Variants in MTHFD2L observed in about 807,000 individuals in gnomAD.
MTHFD2L encodes the protein bifunctional methylenetetrahydrofolate dehydrogenase/cyclohydrolase 2, mitochondrial.
Under a neutral mutation model 34.9 loss-of-function variants are expected in MTHFD2L, and 29 were observed. That is an observed-to-expected ratio of 0.83 (90% CI 0.62 to 1.13). The LOEUF is 1.13. MTHFD2L is among the 50% of genes most tolerant of loss of function. The pLI is 0.00. For synonymous variants in MTHFD2L, 167 were observed against 155.7 expected (o/e 1.07, Z -0.54); for missense variants, 481 against 446.5 (o/e 1.08, Z -0.70).
chr4:74,244,409 C>T (rs973252326), intron 6 of MTHFD2L, among the ~76,000 whole-genome samples: 1 of 152,148 alleles, frequency 6.6e-6, no homozygotes, highest in African/African-American at 2.4e-5. Context: ...CAAAGTCACC[C>T]AGGTGAGTTT....
At chr4:74,251,185 G>A (rs1331072535) in intron 6 of MTHFD2L, among the ~76,000 whole-genome samples, 2 of 152,112 alleles carry the variant, frequency 1.3e-5, no homozygotes, top group Non-Finnish European at 2.9e-5. Context: ...TTTCTGTCAT[G>A]TTCATTTCTC....
Position 74,174,679 on chromosome 4 carries a change from C to G in MTHFD2L, c.317C>G (p.Ala106Gly). ...HTYVRNKIRA[A>G]SAVGICSELI... The stretch of plus-strand genomic sequence containing the variant: ...TATGTCAGGAATAAGATAAGAGCTG[C>G]CTCTGCTGTAGGTGGGTGTGTGTTT... The change falls in exon 2 of 8, where the codon GCC becomes GGC. Residue 106 changes from alanine (A) to glycine (G), a missense_variant. By Grantham distance (60) the Ala-to-Gly change is moderately conservative. Transcript: ENST00000325278. 1 of 1,533,776 alleles carries G rather than the reference C, an allele frequency of 6.5e-7. No homozygotes were observed. The highest frequency in any genetic ancestry group is 8.8e-7 in the Non-Finnish European group (1 of 1,141,646).
intron 1 of MTHFD2L, chr4:74,162,311 T>C (rs1725625475): frequency 6.6e-6 from 1 of 152,212 alleles, no homozygotes; most frequent in African/African-American, 2.4e-5. Context: ...AATAATTTAC[T>C]CTCAGATTGA....
chr4:74,159,064 C>G (rs939582776), intron 1 of MTHFD2L, among the ~76,000 whole-genome samples: 3 of 152,132 alleles, frequency 2.0e-5, no homozygotes, highest in Non-Finnish European at 2.9e-5. Context: ...GTGTCTCACT[C>G]GAGTTTTTGT....
chr4:74,262,215 C>T (rs1744764330), intron 6 of MTHFD2L, among the ~76,000 whole-genome samples: 2 of 151,886 alleles, frequency 1.3e-5, no homozygotes, highest in Admixed American at 1.3e-4. Context: ...AACTCCTACT[C>T]ACCCCATACA....
At chr4:74,281,099 A>T (rs911218353) in intron 6 of MTHFD2L, among the ~76,000 whole-genome samples, 24 of 151,296 alleles carry the variant, frequency 1.6e-4, no homozygotes, top group Non-Finnish European at 2.8e-4. Context: ...AGCCTGTCTC[A>T]TGTCCGCAGT....
chr4:74,265,978 A>T (rs1043902117), intron 6 of MTHFD2L, among the ~76,000 whole-genome samples: 3 of 152,188 alleles, frequency 2.0e-5, no homozygotes, highest in Non-Finnish European at 2.9e-5. Flanking sequence ...AAATATGTTG[A>T]AGTCAATTAT....
upstream of MTHFD2L, chr4:74,156,849 T>G (rs1037037076): frequency 5.3e-5 from 8 of 152,136 alleles, no homozygotes; most frequent in African/African-American, 1.9e-4. Context: ...TCTGTATGCC[T>G]TTTTTGGTGG....
chr4:74,275,616 G>A (rs1746513771), intron 6 of MTHFD2L, among the ~76,000 whole-genome samples: 1 of 151,898 alleles, frequency 6.6e-6, no homozygotes, highest in Non-Finnish European at 1.5e-5. Context: ...GTTGCTTCTT[G>A]ACTTTTTAGT....
intron 7 of MTHFD2L, among the ~76,000 whole-genome samples, chr4:74,291,590 G>A (rs1748966800): frequency 1.3e-5 from 2 of 151,996 alleles, no homozygotes. Flanking sequence ...TTCATACTAG[G>A]CACTATTTGA....
At chr4:74,280,574 G>A (rs978270227) in intron 6 of MTHFD2L, 2 of 151,500 alleles carry the variant, frequency 1.3e-5, no homozygotes, top group Non-Finnish European at 2.9e-5. Context: ...AGAACCATAA[G>A]ACATAATAAT....
Position 74,199,876 on chromosome 4 carries a change from A to T in MTHFD2L, c.534A>T (p.Arg178Ser), listed in dbSNP as rs1217657149. 3.7e-6 allele frequency: 6 copies of T among 1,613,842 alleles called. No individual in the cohort carries two copies. In the African/African-American group the frequency reaches 6.7e-5, roughly 18 times the overall value. ...GATTTCATATTATCAATATTGGAAG[A>T]TTGTGCCTTGATCAGCATTCTCTCA... The part of the protein sequence containing the change: ...VDGFHIINIG[R>S]LCLDQHSLIP... The change falls in exon 4 of 8, where the codon AGA (arginine) becomes AGT (serine). Residue 178 changes from arginine to serine, a missense_variant. By Grantham distance (110) the Arg-to-Ser change is moderately radical. Transcript: ENST00000325278.
chr4:74,278,718 G>A (rs1462402303), intron 6 of MTHFD2L, among the ~76,000 whole-genome samples: 1 of 152,030 alleles, frequency 6.6e-6, no homozygotes, highest in African/African-American at 2.4e-5. Flanking sequence ...TGGCCATGAC[G>A]TGGTTCCAAG....
chr4:74,223,637 A>AG (rs1560504589), intron 5 of MTHFD2L, among the ~76,000 whole-genome samples: 1 of 22,380 alleles, frequency 4.5e-5, no homozygotes, highest in Admixed American at 5.9e-4. Context: ...AAAAACAAAT[A>AG]AAAATAAATA....
At chr4:74,244,549 A>G (rs1298756651) in intron 6 of MTHFD2L, among the ~76,000 whole-genome samples, 1 of 152,158 alleles carries the variant, frequency 6.6e-6, no homozygotes, top group East Asian at 1.9e-4. Context: ...TAGTGCTACT[A>G]ATGAATGTAA....
At chr4:74,250,639 G>A (rs147019192) in intron 6 of MTHFD2L, among the ~76,000 whole-genome samples, 54 of 152,302 alleles carry the variant, frequency 3.5e-4, no homozygotes, top group African/African-American at 1.3e-3. Context: ...TCTGCGTGCA[G>A]TTCCTCTTAA....
chr4:74,141,251 G>A (rs895321008), intron 1 of MTHFD2L, among the ~76,000 whole-genome samples: 24 of 152,152 alleles, frequency 1.6e-4, no homozygotes, highest in African/African-American at 5.8e-4. Flanking sequence ...GGCTTAAGCA[G>A]GGTTGATTAC....
chr4:74,226,510 ATTTG>A (rs1385282430), intron 6 of MTHFD2L, among the ~76,000 whole-genome samples: 5 of 152,146 alleles, frequency 3.3e-5, no homozygotes, highest in Admixed American at 6.6e-5. Flanking sequence ...ATTTCTTTAA[ATTTG>A]TTTGTGTTTT....
At chr4:74,172,662 T>G (rs547908972) in intron 1 of MTHFD2L, among the ~76,000 whole-genome samples, 375 of 152,340 alleles carry the variant, frequency 2.5e-3, no homozygotes, top group African/African-American at 8.7e-3. Context: ...GTTTTTCCCC[T>G]GCCCCCAGGA....
Sources: gnomAD v4.1 joint callset for allele counts (sites outside exome capture counted in the v4.1 genomes callset) on GRCh38, gnomAD v4.1.1 for gene constraint, MANE v1.5 for transcripts, NCBI Gene and HGNC (gene_info 2026-07-23, HGNC 2026-07-21) for gene names.